The following CYP17A1 variants were observed in gnomAD, a reference collection of about 807,000 sequenced individuals.
The protein encoded by CYP17A1 is cytochrome P450 family 17 subfamily A member 1.
Under a neutral mutation model 38.5 loss-of-function variants are expected in CYP17A1, and 27 were observed. The observed-to-expected ratio is 0.70, with a 90% CI of 0.52 to 0.97. The LOEUF (loss-of-function observed/expected upper bound fraction) is 0.97. CYP17A1 is among the 50% of genes least tolerant of loss of function. The pLI is 0.00. For synonymous variants in CYP17A1, 263 were observed against 253.3 expected, an observed-to-expected ratio of 1.04 and a Z score of -0.36; for missense variants, 549 against 645.9, an observed-to-expected ratio of 0.85 and a Z score of 1.63.
In CYP17A1 at chr10:102,832,696, G is replaced by C. The variant is rs1458469823; in HGVS notation, c.970-16C>G. ...TCTTCTTCACCTGAAGACCAGAGTAGGTTGGAGGTGACTAGTGTGTGTAAG... is the reference window on the plus strand; with the variant it reads ...TCTTCTTCACCTGAAGACCAGAGTACGTTGGAGGTGACTAGTGTGTGTAAG... On this transcript the variant is annotated splice_polypyrimidine_tract_variant and intron_variant, in intron 5 of 7. Coordinates refer to ENST00000369887, the MANE Select transcript of CYP17A1 (RefSeq NM_000102.4). 6.4e-7 allele frequency: 1 copy of C among 1,562,490 alleles called. No individual in the cohort carries two copies. The highest frequency in any genetic ancestry group is 2.2e-5 in the East Asian group (1 of 44,658).
Position 102,834,887 on chromosome 10 carries a change from G to A in CYP17A1, c.564C>T (p.Tyr188=), listed in dbSNP as rs760333930. 1 of 1,614,058 alleles carries A rather than the reference G, an allele frequency of 6.2e-7. No individual in the cohort carries two copies. The change falls in exon 3 of 8, where the codon TAC becomes TAT. Residue 188 remains tyrosine (Y), a synonymous_variant. Coordinates refer to ENST00000369887, the MANE Select transcript of CYP17A1 (RefSeq NM_000102.4). The part of the protein sequence containing the change: ...VISLICFNTS[Y]KNGDPELNVI... ...CATTCAACTCAGGGTCCCCATTCTTGTAGGAGGTATTGAAGCAGATCAAGG... is the reference window on the plus strand; with the variant it reads ...CATTCAACTCAGGGTCCCCATTCTTATAGGAGGTATTGAAGCAGATCAAGG...
rs774737304 is a variant in CYP17A1, at chr10:102,832,668, GCTT to G, written c.979_981del (p.Lys327del). ...ACATTCTGGTCAATCTCCTCGTAGA[GCTT>G]CTTCTTCACCTGAAGACCAGAGTAG... is the stretch of plus-strand genomic sequence containing the variant. On this transcript the variant is annotated inframe_deletion, in exon 6 of 8. Coordinates refer to ENST00000369887, the MANE Select transcript of CYP17A1 (RefSeq NM_000102.4). The G allele has an allele frequency of 6.2e-6, 10 of 1,604,116 alleles. No homozygotes were observed. The highest frequency in any genetic ancestry group is 2.2e-5 in the East Asian group (1 of 44,836).
At position 102,830,863 on chromosome 10, in the gene CYP17A1, T is replaced by C. The variant is rs746071573; in HGVS notation, c.1366A>G (p.Met456Val). The C allele has an allele frequency of 3.1e-6, 5 of 1,593,622 alleles. No homozygotes were observed. Among genetic ancestry groups the C allele is most frequent in the Non-Finnish European group, 4.3e-6 (5 of 1,167,998 alleles). The stretch of plus-strand genomic sequence containing the variant: ...TCGAACCTCTGCAGCAGCCAGGCCA[T>C]GATGAGGAAGAGCTCCTGGCGGGCC... ...ILARQELFLI[M>V]AWLLQRFDLE... Residue 456 changes from methionine to valine, a missense_variant, in exon 8 of 8, where the codon ATG (methionine) becomes GTG (valine). By Grantham distance (21) the Met-to-Val change is conservative. Coordinates refer to ENST00000369887, the MANE Select transcript of CYP17A1 (RefSeq NM_000102.4). The surrounding 1 kb of genome is among the most constrained non-coding windows in gnomAD (Gnocchi z 4.1).
chr10:102,831,680 C>A, intron 6 of CYP17A1, 69 bp from the exon 7 acceptor site: 1 of 1,600,026 alleles, frequency 6.2e-7, no homozygotes, highest in South Asian at 1.1e-5. Flanking sequence ...AGCCTCATGC[C>A]CCCTCATTCT....
chr10:102,837,162 C>A lies in CYP17A1; in HGVS notation c.200G>T (p.Arg67Leu), dbSNP rs376074317. 4 of 1,592,494 alleles carry A rather than the reference C, an allele frequency of 2.5e-6. No individual in the cohort carries two copies. The Admixed American group carries it at 5.0e-5, about 20-fold the overall frequency. Residue 67 changes from arginine to leucine, a missense_variant, in exon 1 of 8, where the codon CGT becomes CTT. By Grantham distance (102) the Arg-to-Leu change is moderately radical. Coordinates refer to ENST00000369887, the MANE Select transcript of CYP17A1 (RefSeq NM_000102.4). ...AATCACTGTAGTCTTGGTGCCCATA[C>A]GAACCGAATAGATGGGGCCATATTT... Reference protein sequence around the residue: ...QKKYGPIYSVRMGTKTTVIVG... With the variant: ...QKKYGPIYSVLMGTKTTVIVG...
rs1844108615 is a variant in CYP17A1 at position 102,832,792 on chromosome 10, A to T, written c.970-112T>A. The stretch of plus-strand genomic sequence containing the variant: ...AGAAGAGCCTGTCCAGTCCCTTCCC[A>T]GTAGTGGCTCTGGGGCCCAGGCCCG... On this transcript the variant is annotated intron_variant, in intron 5 of 7. Coordinates refer to ENST00000369887, the MANE Select transcript of CYP17A1 (RefSeq NM_000102.4). 3.9e-6 allele frequency: 5 copies of T among 1,290,112 alleles called. No individual in the cohort carries two copies. The East Asian group carries it at 1.2e-4, about 30-fold the overall frequency. The allele number at this position is 1,290,112 out of a possible 1,614,324, so 79.9% of individuals were successfully genotyped here. A position where few individuals can be genotyped will look rare whatever the true frequency, so the allele number is the denominator to read the frequency against.
chr10:102,835,096 C>G, intron 2 of CYP17A1, 82 bp from the exon 3 acceptor site: 1 of 1,120,436 alleles, frequency 8.9e-7, no homozygotes, highest in Admixed American at 1.7e-5. Context: ...TTAACAGGAG[C>G]GGGGGACAGA....
chr10:102,832,220 C>T (rs555484470), intron 6 of CYP17A1, among the ~76,000 whole-genome samples: 56 of 152,206 alleles, frequency 3.7e-4, no homozygotes, highest in African/African-American at 1.3e-3. Context: ...ACTACAGGCA[C>T]GCGCCACGAT....
chr10:102,832,632 G>A lies in CYP17A1; in HGVS notation c.1018C>T (p.Arg340Cys), dbSNP rs1281169684. Reference protein sequence around the residue: ...EEIDQNVGFSRTPTISDRNRL... With the variant: ...EEIDQNVGFSCTPTISDRNRL... ...TTACGGTCACTGATAGTTGGTGTGC[G>A]GCTGAAACCCACATTCTGGTCAATC... Residue 340 changes from arginine (R) to cysteine (C), a missense_variant, in exon 6 of 8, where the codon CGC (arginine) becomes TGC (cysteine). Around this residue, in one of 3 missense-constraint regions of CYP17A1, gnomAD observed 257 missense variants for 307.9 expected, o/e 0.83. Transcript: ENST00000369887. 6.2e-6 allele frequency: 10 copies of A among 1,606,808 alleles called. No individual in the cohort carries two copies. The highest frequency in any genetic ancestry group is 1.1e-5 in the South Asian group (1 of 90,968).
intron 6 of CYP17A1, 61 bp downstream of exon 6, chr10:102,832,450 G>C: frequency 1.8e-6 from 2 of 1,104,482 alleles, no homozygotes; most frequent in South Asian, 2.5e-5. Context: ...GGAGCCAGGT[G>C]GGCTGGCAAG....
At position 102,837,166 on chromosome 10, in the gene CYP17A1, C is replaced by G. The variant is rs1844174089; in HGVS notation, c.196G>C (p.Val66Leu). 2 of 1,596,486 alleles carry G rather than the reference C, an allele frequency of 1.3e-6. No individual in the cohort carries two copies. The highest frequency in any genetic ancestry group is 1.3e-5 in the African/African-American group (1 of 74,520). The change falls in exon 1 of 8, where the codon GTT (valine) becomes CTT (leucine). Residue 66 changes from valine to leucine, a missense_variant. By Grantham distance (32) the Val-to-Leu change is conservative (BLOSUM62 1). Coordinates refer to ENST00000369887, the MANE Select transcript of CYP17A1 (RefSeq NM_000102.4). The part of the protein sequence containing the change: ...LQKKYGPIYS[V>L]RMGTKTTVIV... ...ACTGTAGTCTTGGTGCCCATACGAA[C>G]CGAATAGATGGGGCCATATTTTTTC...
At chr10:102,833,713 C>T (rs1361500057) in intron 4 of CYP17A1, 1 of 301,664 alleles carries the variant, frequency 3.3e-6, no homozygotes, top group Non-Finnish European at 6.3e-6. Flanking sequence ...ACCTTGGCCT[C>T]CCAAAATGTT....
chr10:102,832,823 CAGA>C (rs1459997368), intron 5 of CYP17A1, 143 bp from the exon 6 acceptor site: 1 of 1,423,666 alleles, frequency 7.0e-7, no homozygotes, highest in Non-Finnish European at 9.8e-7. Flanking sequence ...GCCCGGCTTC[CAGA>C]AGATGGGGCA....
chr10:102,835,698 CTCA>C (rs1441299924), intron 1 of CYP17A1: 5 of 416,698 alleles, frequency 1.2e-5, no homozygotes, highest in Admixed American at 3.5e-5. Flanking sequence ...CTTCTTTTTG[CTCA>C]TCAGTTTCTG....
At chr10:102,831,476 G>A (rs368197986) in intron 7 of CYP17A1, 32 bp downstream of exon 7, 1 of 1,612,802 alleles carries the variant, frequency 6.2e-7, no homozygotes. Flanking sequence ...GGCTCGCTGT[G>A]TGGCCCAGGG....
chr10:102,834,974 G>A lies in CYP17A1; in HGVS notation c.477C>T (p.Thr159=), dbSNP rs749751359. The stretch of plus-strand genomic sequence containing the variant: ...AGATGTCTATGGACTGTCCGTTGTG[G>A]GTGGCCAGCATATCACACAATGTAC... ...EISTLCDMLA[T]HNGQSIDISF... Residue 159 remains threonine (T), a synonymous_variant, in exon 3 of 8, where the codon ACC becomes ACT. Coordinates refer to ENST00000369887, the MANE Select transcript of CYP17A1 (RefSeq NM_000102.4). 19 of 1,610,286 alleles carry A rather than the reference G, an allele frequency of 1.2e-5. No individual in the cohort carries two copies. In the South Asian group the frequency reaches 1.9e-4, roughly 16 times the overall value.
In CYP17A1 at chr10:102,830,698, G is replaced by A. The variant is rs771944771; in HGVS notation, c.*4C>T. On this transcript the variant is annotated 3_prime_UTR_variant, in exon 8 of 8. Transcript: ENST00000369887. The surrounding 1 kb of genome is among the most constrained non-coding windows in gnomAD (Gnocchi z 4.1). ...GGGTGGACAGGGGCTGTGAGTTACA[G>A]CCTTTAGGTGCTACCCTCAGCCTGG... 6 of 1,553,168 alleles carry A rather than the reference G, an allele frequency of 3.9e-6. No homozygotes were observed. In the African/African-American group the frequency reaches 6.8e-5, roughly 18 times the overall value.
At chr10:102,833,273 A>G in intron 4 of CYP17A1, 65 bp from the exon 5 acceptor site, 1 of 1,612,244 alleles carries the variant, frequency 6.2e-7, no homozygotes, top group Non-Finnish European at 8.5e-7. Flanking sequence ...CTCCTGCCAT[A>G]CTTCTGTCCC....
At chr10:102,833,797 G>T (rs1013290257) in intron 4 of CYP17A1, 15 of 461,538 alleles carry the variant, frequency 3.2e-5, no homozygotes, top group Admixed American at 2.9e-4. Context: ...TCACCATATT[G>T]GCCAGGCTCA....
Sources: gnomAD v4.1 joint callset for allele counts (sites outside exome capture counted in the v4.1 genomes callset) on GRCh38, gnomAD v4.1.1 for gene constraint, gnomAD v4.1.1 regional missense constraint, Gnocchi (gnomAD v3.1) non-coding constraint, MANE v1.5 for transcripts, NCBI Gene and HGNC (gene_info 2026-07-23, HGNC 2026-07-21) for gene names.